The following CCDC192 variants were observed in gnomAD, a reference collection of about 807,000 sequenced individuals.
CCDC192 encodes the protein coiled-coil domain-containing protein 192.
At chr5:127,888,064 T>C (rs1752621392) in intron 6 of CCDC192, among the ~76,000 whole-genome samples, 1 of 152,106 alleles carries the variant, frequency 6.6e-6, no homozygotes, top group African/African-American at 2.4e-5. Context: ...AAAATACATA[T>C]TTTTAATTTT....
At chr5:127,829,039 G>C (rs1749668137) in intron 5 of CCDC192, among the ~76,000 whole-genome samples, 1 of 152,134 alleles carries the variant, frequency 6.6e-6, no homozygotes, top group African/African-American at 2.4e-5. Context: ...AATGAGGATA[G>C]ACACGGAAGC....
intron 6 of CCDC192, among the ~76,000 whole-genome samples, chr5:127,910,607 C>G (rs1362147301): frequency 2.6e-5 from 4 of 152,200 alleles, no homozygotes; most frequent in African/African-American, 9.6e-5. Flanking sequence ...GCGTAAATAA[C>G]TGAATGTAGC....
intron 2 of CCDC192, among the ~76,000 whole-genome samples, chr5:127,711,548 A>G (rs972109003): frequency 3.9e-5 from 6 of 152,312 alleles, no homozygotes; most frequent in South Asian, 4.1e-4. Flanking sequence ...GTAATATACT[A>G]TTAGTTTTGC....
intron 3 of CCDC192, among the ~76,000 whole-genome samples, chr5:127,780,183 A>G (rs1756124928): frequency 6.6e-6 from 1 of 152,134 alleles, no homozygotes; most frequent in South Asian, 2.1e-4. Context: ...ATATATATAT[A>G]TATCACAGTT....
chr5:127,907,037 G>A (rs1003897137), intron 6 of CCDC192, among the ~76,000 whole-genome samples: 3 of 151,798 alleles, frequency 2.0e-5, no homozygotes, highest in African/African-American at 7.3e-5. Flanking sequence ...TTTTTTGTTT[G>A]GTTGGGTTTT....
chr5:127,848,044 T>C (rs1326512015), intron 5 of CCDC192, among the ~76,000 whole-genome samples: 2 of 151,956 alleles, frequency 1.3e-5, no homozygotes, highest in Non-Finnish European at 2.9e-5. Context: ...GTGATTCGCC[T>C]GCCTCAGCCT....
At chr5:127,729,647 G>A (rs879409007) in intron 2 of CCDC192, among the ~76,000 whole-genome samples, 9 of 152,068 alleles carry the variant, frequency 5.9e-5, no homozygotes, top group Non-Finnish European at 1.0e-4. Context: ...AAATGAAAAC[G>A]AACTGAAATC....
At chr5:127,868,197 C>T (rs1004085054) in intron 5 of CCDC192, among the ~76,000 whole-genome samples, 6 of 151,938 alleles carry the variant, frequency 3.9e-5, no homozygotes, top group Admixed American at 6.6e-5. Context: ...GATACTGGAA[C>T]CTTACACTTA....
chr5:127,798,927 T>C (rs1297825892), intron 5 of CCDC192, among the ~76,000 whole-genome samples: 1 of 152,116 alleles, frequency 6.6e-6, no homozygotes, highest in Non-Finnish European at 1.5e-5. Context: ...AAGCATCTCC[T>C]GCCACAATAC....
chr5:127,830,481 C>G (rs1413230379), intron 5 of CCDC192, among the ~76,000 whole-genome samples: 1 of 152,158 alleles, frequency 6.6e-6, no homozygotes, highest in Non-Finnish European at 1.5e-5. Flanking sequence ...CTTGCTGCGT[C>G]CTTATATGAT....
intron 2 of CCDC192, among the ~76,000 whole-genome samples, chr5:127,713,688 A>AT (rs899867420): frequency 1.1e-4 from 17 of 152,022 alleles, no homozygotes; most frequent in African/African-American, 3.6e-4. Flanking sequence ...ACTTTTAGGG[A>AT]TTTTTTCCTG....
chr5:127,740,757 C>A (rs1580570325), intron 2 of CCDC192, among the ~76,000 whole-genome samples: 1 of 152,094 alleles, frequency 6.6e-6, no homozygotes, highest in East Asian at 1.9e-4. Context: ...TGAAAAGCCA[C>A]AATCAACTTG....
Position 127,907,215 on chromosome 5 carries a change from C to G in CCDC192, c.535+31554C>G, listed in dbSNP as rs547802652. On this transcript the variant is annotated intron_variant, in intron 6 of 6. Transcript: ENST00000514853. ...AAGTCCAAGAAACCCACAAGTTAGC[C>G]ATAATTTTAGTGTCTACAGAGACTA... 2.0e-5 allele frequency among the ~76,000 whole-genome samples: 3 copies of G among 152,092 alleles called. No homozygotes were observed. The East Asian group carries it at 5.8e-4, about 29-fold the overall frequency.
chr5:127,735,549 C>T lies in CCDC192; in HGVS notation c.115-18719C>T, dbSNP rs1256540343. Among the ~76,000 whole-genome samples, 2 of 76,094 alleles carry T rather than the reference C, an allele frequency of 2.6e-5. 1 individual carries two copies. The highest frequency in any genetic ancestry group is 5.2e-5 in the Non-Finnish European group (2 of 38,800). The allele number at this position is 76,094 out of a possible 152,430, so 49.9% of individuals were successfully genotyped here. A position where few individuals can be genotyped will look rare whatever the true frequency, so the allele number is the denominator to read the frequency against. On this transcript the variant is annotated intron_variant, in intron 2 of 6. Coordinates refer to ENST00000514853, the MANE Select transcript of CCDC192 (RefSeq NM_001317938.2). ...GGTCATTTTCACAATATTGATTCTT[C>T]CTACCCATGAGCATGGAATGTTCTT...
intron 5 of CCDC192, among the ~76,000 whole-genome samples, chr5:127,807,740 T>G (rs1411832630): frequency 6.6e-6 from 1 of 152,138 alleles, no homozygotes; most frequent in Non-Finnish European, 1.5e-5. Context: ...CCTGGGCTGA[T>G]CAGGAGTCGA....
intron 2 of CCDC192, among the ~76,000 whole-genome samples, chr5:127,751,461 G>A (rs1437604693): frequency 2.6e-5 from 4 of 152,136 alleles, no homozygotes; most frequent in African/African-American, 9.7e-5. Context: ...CTTCTGGCTT[G>A]TAGGGTTTCT....
intron 5 of CCDC192, among the ~76,000 whole-genome samples, chr5:127,816,543 A>G (rs10076805): frequency 0.02 from 3,072 of 152,268 alleles, 111 homozygotes; most frequent in African/African-American, 0.071. Context: ...AGCTGAAACA[A>G]TGGTCAAATC....
intron 2 of CCDC192, 75 bp from the exon 3 acceptor site, chr5:127,754,193 A>C (rs1754424915): frequency 5.0e-6 from 2 of 396,328 alleles, no homozygotes; most frequent in Non-Finnish European, 8.9e-6. Flanking sequence ...GATCTTATCA[A>C]GTCCATAAGA....
intron 6 of CCDC192, among the ~76,000 whole-genome samples, chr5:127,934,135 C>T (rs984028846): frequency 2.0e-5 from 3 of 152,156 alleles, no homozygotes; most frequent in Non-Finnish European, 4.4e-5. Context: ...AGGAGCACTA[C>T]CCCATGTCAT....
Sources: gnomAD v4.1 joint callset for allele counts (sites outside exome capture counted in the v4.1 genomes callset) on GRCh38, gnomAD v4.1.1 for gene constraint, MANE v1.5 for transcripts, NCBI Gene and HGNC (gene_info 2026-07-23, HGNC 2026-07-21) for gene names.